ZNF398: variants seen among roughly 807,000 people sequenced by gnomAD.
ZNF398 encodes the protein zinc finger protein 398.
Under a neutral mutation model 41.9 loss-of-function variants are expected in ZNF398, and 18 were observed. That is an observed-to-expected ratio of 0.43 (90% CI 0.30 to 0.64). The LOEUF (loss-of-function observed/expected upper bound fraction) is 0.64. ZNF398 is among the 30% of genes least tolerant of loss of function. ZNF398 has a pLI of 0.14. For missense variants in ZNF398, 669 were observed against 822.8 expected, an observed-to-expected ratio of 0.81 and a Z score of 2.29; for synonymous variants, 260 against 308.8, an observed-to-expected ratio of 0.84 and a Z score of 1.66.
rs78310551 is a variant in ZNF398, at chr7:149,130,093, C to T, written c.-490+1149C>T. 6.2e-3 allele frequency among the ~76,000 whole-genome samples: 939 copies of T among 151,802 alleles called. 8 individuals carry two copies. Among genetic ancestry groups the T allele is most frequent in the Non-Finnish European group, 8.2e-3 (556 of 67,952 alleles). On this transcript the variant is annotated intron_variant, in intron 2 of 6. Transcript: ENST00000426851. ...AGATTACAGGCATGAGCCACTGCAC[C>T]CGGCCTATTTATTTATTTTTGAGAT...
intron 2 of ZNF398, among the ~76,000 whole-genome samples, chr7:149,138,634 GAAAAT>G (rs987856998): frequency 2.0e-5 from 3 of 151,684 alleles, no homozygotes; most frequent in Admixed American, 6.6e-5. Flanking sequence ...ACTGTATTAA[GAAAAT>G]AAATAAATAT....
intron 4 of ZNF398, among the ~76,000 whole-genome samples, chr7:149,168,239 G>C (rs1013706638): frequency 6.6e-6 from 1 of 151,878 alleles, no homozygotes; most frequent in African/African-American, 2.4e-5. Flanking sequence ...CACCACGCCT[G>C]GCTAATTTTT....
intron 2 of ZNF398, among the ~76,000 whole-genome samples, chr7:149,141,868 C>A (rs189349319): frequency 6.6e-6 from 1 of 152,162 alleles, no homozygotes; most frequent in Non-Finnish European, 1.5e-5. Flanking sequence ...GGATTACAGG[C>A]GTGAGCCACT....
At chr7:149,147,252 A>AC (rs1826966401), upstream of ZNF398, 2 of 152,204 alleles carry the variant, frequency 1.3e-5, no homozygotes, top group Non-Finnish European at 2.9e-5. The surrounding 1 kb of genome is among the most constrained non-coding windows in gnomAD (Gnocchi z 5.6). Context: ...GGTGAGCTGA[A>AC]CCTTCTCGTG....
chr7:149,154,468 A>C (rs1288496885), intron 2 of ZNF398, 128 bp downstream of exon 2: 11 of 1,117,146 alleles, frequency 9.8e-6, no homozygotes, highest in Admixed American at 3.0e-5. Flanking sequence ...GTCTGAAAGA[A>C]TCATGAAGGT....
intron 4 of ZNF398, among the ~76,000 whole-genome samples, chr7:149,172,797 C>T (rs1737804322): frequency 6.6e-6 from 1 of 152,174 alleles, no homozygotes; most frequent in African/African-American, 2.4e-5. Context: ...GGTTCAGTTC[C>T]AGACTACTGC....
At chr7:149,149,956 G>A (rs1212976803) in intron 1 of ZNF398, among the ~76,000 whole-genome samples, 2 of 152,130 alleles carry the variant, frequency 1.3e-5, no homozygotes. Context: ...GTAGGTAGTG[G>A]CTACTGTATT....
chr7:149,167,038 C>T, intron 4 of ZNF398, 108 bp downstream of exon 4: 2 of 701,718 alleles, frequency 2.9e-6, no homozygotes, highest in Non-Finnish European at 2.4e-6. Flanking sequence ...ATTGCTAAAG[C>T]AACTAGATTT....
At position 149,155,787 on chromosome 7, in the gene ZNF398, C is replaced by T. The variant is rs1242267404; in HGVS notation, c.420+1447C>T. Among the ~76,000 whole-genome samples, 6 of 140,212 alleles carry T rather than the reference C, an allele frequency of 4.3e-5. No homozygotes were observed. In the East Asian group the frequency reaches 6.3e-4, roughly 15 times the overall value. The allele number at this position is 140,212 out of a possible 152,430, so 92.0% of individuals were successfully genotyped here. ...TGTTGCCCAGGCTGGAGTGCAGTGG[C>T]GCCATCTCGGCTCACTGCAAGCTCT... is the stretch of plus-strand genomic sequence containing the variant. On this transcript the variant is annotated intron_variant, in intron 2 of 5. Transcript: ENST00000475153.
At chr7:149,157,310 GGATCAC>G (rs1014168179) in intron 2 of ZNF398, among the ~76,000 whole-genome samples, 4 of 152,094 alleles carry the variant, frequency 2.6e-5, no homozygotes, top group African/African-American at 9.6e-5. Flanking sequence ...CGAGGCGGGC[GGATCAC>G]GAGGTCAGGA....
intron 2 of ZNF398, among the ~76,000 whole-genome samples, chr7:149,159,982 T>C (rs1179080870): frequency 6.6e-6 from 1 of 151,944 alleles, no homozygotes; most frequent in Non-Finnish European, 1.5e-5. Context: ...TTCCTCAGCC[T>C]CCCAAAGTTC....
Position 149,147,528 on chromosome 7 carries a change from G to A in ZNF398, c.-215G>A, listed in dbSNP as rs1826979580. 2.6e-6 allele frequency: 1 copy of A among 379,436 alleles called. No individual in the cohort carries two copies. The highest frequency in any genetic ancestry group is 4.8e-5 in the East Asian group (1 of 20,730). 23.5% of individuals were successfully genotyped at this position (379,436 alleles called of 1,614,324 possible). On this transcript the variant is annotated 5_prime_UTR_variant, in exon 1 of 6. Coordinates refer to ENST00000475153, the MANE Select transcript of ZNF398 (RefSeq NM_170686.3). This position sits in a 1 kb window ranked among gnomAD's most constrained non-coding sequence, Gnocchi z 5.6. ...CGGCGGAGTCGGCCTCGCGACCCCA[G>A]CTTGATCCGCCGCCTGCTGCACCGC... is the stretch of plus-strand genomic sequence containing the variant.
chr7:149,131,195 T>C (rs953244632), intron 2 of ZNF398, among the ~76,000 whole-genome samples: 1 of 152,236 alleles, frequency 6.6e-6, no homozygotes, highest in Non-Finnish European at 1.5e-5. Context: ...TGTTTCAGTG[T>C]AGGGGTATCT....
chr7:149,178,291 C>T (rs77253580), intron 5 of ZNF398, among the ~76,000 whole-genome samples: 26 of 137,494 alleles, frequency 1.9e-4, no homozygotes, highest in African/African-American at 6.7e-4. Context: ...GACTCCGTCT[C>T]AAAAAAAAAA....
At chr7:149,144,578 G>A (rs551145420), upstream of ZNF398, among the ~76,000 whole-genome samples, 5 of 151,376 alleles carry the variant, frequency 3.3e-5, no homozygotes, top group Non-Finnish European at 5.9e-5. Flanking sequence ...CACTGTGCTC[G>A]GCTACTACAT....
intron 2 of ZNF398, among the ~76,000 whole-genome samples, chr7:149,140,586 G>A (rs1171169563): frequency 2.0e-5 from 3 of 152,088 alleles, no homozygotes; most frequent in East Asian, 1.9e-4. Context: ...GTTTCATCAT[G>A]TTGGCCAGGC....
chr7:149,128,154 A>C (rs1170881806), intron 1 of ZNF398, among the ~76,000 whole-genome samples: 1 of 152,194 alleles, frequency 6.6e-6, no homozygotes, highest in African/African-American at 2.4e-5. Context: ...AAGAACATGT[A>C]TCCAAGGTGG....
rs1399151385 is a variant in ZNF398 at position 149,154,026 on chromosome 7, C to A, written c.106C>A (p.Leu36Met). 3.7e-6 allele frequency: 6 copies of A among 1,614,180 alleles called. No homozygotes were observed. The highest frequency in any genetic ancestry group is 1.7e-5 in the Admixed American group (1 of 60,014). The change falls in exon 2 of 6, where the codon CTG becomes ATG. Residue 36 changes from leucine to methionine, a missense_variant. Physicochemically the swap from Leu to Met is conservative, Grantham distance 15. This residue lies in a region of ZNF398 where 169 missense variants were observed against 239.5 expected (regional missense o/e 0.71). Transcript: ENST00000475153. ...ACCCCCAGCAGCAAATGAGGCACAC[C>A]TGCAGACAGCAGCTATCTCTCTGTG... is the stretch of plus-strand genomic sequence containing the variant. ...PTPPAANEAHLQTAAISLWTV... is the reference protein window; with the variant it reads ...PTPPAANEAHMQTAAISLWTV...
At chr7:149,167,767 C>A (rs1397724795) in intron 4 of ZNF398, among the ~76,000 whole-genome samples, 1 of 151,562 alleles carries the variant, frequency 6.6e-6, no homozygotes, top group East Asian at 1.9e-4. Context: ...CCCGCCACCA[C>A]GTCCGGATAA....
Sources: gnomAD v4.1 joint callset for allele counts (sites outside exome capture counted in the v4.1 genomes callset) on GRCh38, gnomAD v4.1.1 for gene constraint, gnomAD v4.1.1 regional missense constraint, Gnocchi (gnomAD v3.1) non-coding constraint, MANE v1.5 for transcripts, NCBI Gene and HGNC (gene_info 2026-07-23, HGNC 2026-07-21) for gene names.